The following CLDND1 variants were observed in gnomAD, a reference collection of about 807,000 sequenced individuals.
CLDND1 encodes claudin domain-containing protein 1.
In CLDND1, 13 loss-of-function variants were observed where a neutral mutation model predicts 26.3. The observed-to-expected ratio is 0.49, with a 90% CI of 0.32 to 0.78. The LOEUF (loss-of-function observed/expected upper bound fraction) is 0.78, where lower values mean the gene tolerates loss of function less well. CLDND1 is among the 30% of genes least tolerant of loss of function. CLDND1 has a pLI of 0.03. For missense variants in CLDND1, 289 were observed against 312.8 expected, an observed-to-expected ratio of 0.92 and a Z score of 0.57; for synonymous variants, 107 against 107.0, an observed-to-expected ratio of 1.00 and a Z score of 0.00.
chr3:98,522,851 CCCATCCTCCTGCTCCG>C lies in CLDND1; in HGVS notation c.-37_-22del. The C allele has an allele frequency of 6.2e-7, 1 of 1,613,816 alleles. No individual in the cohort carries two copies. Among genetic ancestry groups the C allele is most frequent in the Non-Finnish European group, 8.5e-7 (1 of 1,179,758 alleles). On this transcript the variant is annotated 5_prime_UTR_variant, in exon 1 of 5. The change abolishes an upstream ATG in the 5' untranslated region. Coordinates refer to ENST00000341181, the MANE Select transcript of CLDND1 (RefSeq NM_001040181.2). ...CGACGCAGGTCCCGCTCACTCACCGCCCATCCTCCTGCTCCGCCAGCTTCACCCTCTAGCTCAGACC... is the reference window on the plus strand; with the variant it reads ...CGACGCAGGTCCCGCTCACTCACCGCCCAGCTTCACCCTCTAGCTCAGACC...
chr3:98,521,690 C>T (rs1425846079), intron 1 of CLDND1: 4 of 1,613,064 alleles, frequency 2.5e-6, no homozygotes, highest in Non-Finnish European at 3.4e-6. Context: ...GTTCTCTAGT[C>T]TATCACCTGC....
At chr3:98,520,626 A>T (rs1420850762) in intron 2 of CLDND1, 2 of 152,030 alleles carry the variant, frequency 1.3e-5, no homozygotes, top group Non-Finnish European at 2.9e-5. Context: ...CTGCATCAAG[A>T]TTGTTGTAAA....
chr3:98,518,565 T>C (rs1706259816), intron 3 of CLDND1, among the ~76,000 whole-genome samples: 1 of 152,212 alleles, frequency 6.6e-6, no homozygotes, highest in Non-Finnish European at 1.5e-5. Context: ...AAGTGTTTAA[T>C]TCAAATATAG....
chr3:98,521,771 G>A, intron 1 of CLDND1: 1 of 1,309,842 alleles, frequency 7.6e-7, no homozygotes, highest in African/African-American at 1.4e-5. Flanking sequence ...CCCATGGTCA[G>A]CAGTGTACCG....
chr3:98,518,755 T>C, intron 3 of CLDND1, 130 bp downstream of exon 3: 1 of 631,324 alleles, frequency 1.6e-6, no homozygotes. Flanking sequence ...GTTCACTGGA[T>C]ACTGTTAGAG....
intron 2 of CLDND1, 161 bp downstream of exon 2, chr3:98,520,972 A>T (rs1433348011): frequency 3.1e-6 from 2 of 639,726 alleles, no homozygotes; most frequent in African/African-American, 3.7e-5. Flanking sequence ...TAATGCAAAG[A>T]AGTTGGGGAG....
chr3:98,520,917 G>A (rs1706379838), intron 2 of CLDND1: 4 of 454,792 alleles, frequency 8.8e-6, no homozygotes, highest in Non-Finnish European at 1.5e-5. Flanking sequence ...GCTTTCCCAA[G>A]ATAAGAAAAG....
chr3:98,517,595 TTTAC>T (rs1706202089), intron 3 of CLDND1, among the ~76,000 whole-genome samples: 1 of 152,200 alleles, frequency 6.6e-6, no homozygotes, highest in Non-Finnish European at 1.5e-5. Flanking sequence ...ATAACAACTA[TTTAC>T]ATAGCATTTA....
chr3:98,522,797 C>G, intron 1 of CLDND1, 52 bp downstream of exon 1: 1 of 1,613,450 alleles, frequency 6.2e-7, no homozygotes, highest in Non-Finnish European at 8.5e-7. Flanking sequence ...CCGCCGGGAA[C>G]ATGGAACCGC....
At chr3:98,520,570 T>G (rs1356524508) in intron 2 of CLDND1, 3 of 144,512 alleles carry the variant, frequency 2.1e-5, no homozygotes, top group East Asian at 1.9e-4. Flanking sequence ...AGTTTTTGGT[T>G]TTTTTTTTTT....
At chr3:98,518,864 T>C in intron 3 of CLDND1, 21 bp downstream of exon 3, 1 of 1,350,554 alleles carries the variant, frequency 7.4e-7, no homozygotes, top group Admixed American at 1.7e-5. Flanking sequence ...CCAACTGTCC[T>C]GGTGAAATCA....
Position 98,516,227 on chromosome 3 carries a change from T to A in CLDND1, c.*432A>T. The A allele has an allele frequency of 9.7e-7, 1 of 1,036,168 alleles. No homozygotes were observed. Among genetic ancestry groups the A allele is most frequent in the Non-Finnish European group, 1.2e-6 (1 of 861,074 alleles). The allele number at this position is 1,036,168 out of a possible 1,614,324, so 64.2% of individuals were successfully genotyped here. A position where few individuals can be genotyped will look rare whatever the true frequency, so the allele number is the denominator to read the frequency against. ...ACTAATACTGCTGGTTGACTGGCTATCTACAACAGCAAAGTGAACATAAAG... is the reference window on the plus strand; with the variant it reads ...ACTAATACTGCTGGTTGACTGGCTAACTACAACAGCAAAGTGAACATAAAG... On this transcript the variant is annotated 3_prime_UTR_variant, in exon 5 of 5. Transcript: ENST00000341181.
Position 98,516,759 on chromosome 3 carries a change from A to G in CLDND1, c.662T>C (p.Val221Ala), listed in dbSNP as rs746793770. ...AGCCATGAACTGTAAGGGAGCAGAGACACAAGCCAGGCAGAAGGACCATCC... is the reference window on the plus strand; with the variant it reads ...AGCCATGAACTGTAAGGGAGCAGAGGCACAAGCCAGGCAGAAGGACCATCC... Reference protein sequence around the residue: ...EFGWSFCLACVSAPLQFMASA... With the variant: ...EFGWSFCLACASAPLQFMASA... Residue 221 changes from valine to alanine, a missense_variant, in exon 5 of 5, where the codon GTC becomes GCC. By Grantham distance (64) the Val-to-Ala change is moderately conservative. Transcript: ENST00000341181. 1.2e-6 allele frequency: 2 copies of G among 1,614,072 alleles called. No homozygotes were observed.
In CLDND1 at chr3:98,516,554, T is replaced by C. The variant is rs974297498; in HGVS notation, c.*105A>G. ...AATAAAATAGATTTTCATAATAAAA[T>C]GGTATATCCACAAATAAAAATTAAA... On this transcript the variant is annotated 3_prime_UTR_variant, in exon 5 of 5. Transcript: ENST00000341181. 51 of 1,433,542 alleles carry C rather than the reference T, an allele frequency of 3.6e-5. No homozygotes were observed. Among genetic ancestry groups the C allele is most frequent in the South Asian group, 3.5e-4 (23 of 65,584 alleles). The allele number at this position is 1,433,542 out of a possible 1,614,324, so 88.8% of individuals were successfully genotyped here.
intron 1 of CLDND1, chr3:98,522,604 T>G (rs1430564789): frequency 2.9e-6 from 4 of 1,387,090 alleles, no homozygotes; most frequent in Non-Finnish European, 3.7e-6. Context: ...AGCAGCCACC[T>G]CCTGGGCCTC....
Position 98,515,898 on chromosome 3 carries a change from C to T in CLDND1, c.*761G>A. The stretch of plus-strand genomic sequence containing the variant: ...ACTGTAATATAATGTAAAAAGAAAG[C>T]ACACTTTTAATAACCCTGGTATGTG... On this transcript the variant is annotated 3_prime_UTR_variant, in exon 5 of 5. Coordinates refer to ENST00000341181, the MANE Select transcript of CLDND1 (RefSeq NM_001040181.2). 7.8e-7 allele frequency: 1 copy of T among 1,274,718 alleles called. No homozygotes were observed. Among genetic ancestry groups the T allele is most frequent in the South Asian group, 1.3e-5 (1 of 78,066 alleles). The allele number at this position is 1,274,718 out of a possible 1,614,324, so 79.0% of individuals were successfully genotyped here. A position where few individuals can be genotyped will look rare whatever the true frequency, so the allele number is the denominator to read the frequency against.
intron 2 of CLDND1, 32 bp downstream of exon 2, chr3:98,521,101 G>A: frequency 6.4e-7 from 1 of 1,572,668 alleles, no homozygotes; most frequent in Non-Finnish European, 8.7e-7. Flanking sequence ...TTAACCAGGT[G>A]AAGAAGACAG....
At chr3:98,520,998 G>A in intron 2 of CLDND1, 135 bp downstream of exon 2, 1 of 738,276 alleles carries the variant, frequency 1.4e-6, no homozygotes. Context: ...GCAGTAGAAA[G>A]AGAAGATACA....
intron 2 of CLDND1, 58 bp downstream of exon 2, chr3:98,521,075 G>A (rs879187982): frequency 4.2e-6 from 6 of 1,442,568 alleles, no homozygotes; most frequent in African/African-American, 1.4e-5. Context: ...CAATCATTAC[G>A]TCGTTTTGTC....
Sources: allele counts gnomAD v4.1 joint callset (sites outside exome capture counted in the v4.1 genomes callset), GRCh38; gene constraint gnomAD v4.1.1; transcripts MANE v1.5; gene names NCBI Gene and HGNC (gene_info 2026-07-23, HGNC 2026-07-21).